KCNMB2: variants seen among roughly 807,000 people sequenced by gnomAD.
KCNMB2 encodes calcium-activated potassium channel subunit beta-2.
Under a neutral mutation model 24.5 loss-of-function variants are expected in KCNMB2, and 9 were observed. That is an observed-to-expected ratio of 0.37 (90% CI 0.22 to 0.64). The LOEUF (loss-of-function observed/expected upper bound fraction) is 0.64, where lower values mean the gene tolerates loss of function less well. Among genes scored for constraint, KCNMB2 ranks in the 30% least tolerant of loss-of-function variants. The probability of loss-of-function intolerance (pLI) is 0.63; values close to 1 mark genes in which losing one functional copy is unlikely to be tolerated. For synonymous variants in KCNMB2, 109 were observed against 104.4 expected, an observed-to-expected ratio of 1.04 and a Z score of -0.27; for missense variants, 226 against 284.3, an observed-to-expected ratio of 0.79 and a Z score of 1.47.
chr3:178,578,598 A>C (rs140960158), intron 1 of KCNMB2, among the ~76,000 whole-genome samples: 1 of 152,140 alleles, frequency 6.6e-6, no homozygotes, highest in East Asian at 1.9e-4. Flanking sequence ...TGGATAAAAA[A>C]TCAAGACCCA....
chr3:178,559,905 T>C (rs1716254191), intron 1 of KCNMB2, among the ~76,000 whole-genome samples: 1 of 148,272 alleles, frequency 6.7e-6, no homozygotes, highest in South Asian at 2.1e-4. Context: ...CATATTTAGT[T>C]TTCCCTGTTT....
In KCNMB2 at chr3:178,736,618, CAGA is replaced by C. The variant is rs375332986; in HGVS notation, c.-67-70722_-67-70720del. 3.5e-4 allele frequency among the ~76,000 whole-genome samples: 54 copies of C among 152,300 alleles called. 1 individual carries two copies. The South Asian group carries it at 0.011, about 31-fold the overall frequency. Reference sequence around the variant, plus strand: ...GACATTCAGAATGGGCACCAGCTTTCAGAAGGAGGGCTGATAAAGCAGCCTCTT... The same window carrying C: ...GACATTCAGAATGGGCACCAGCTTTCAGGAGGGCTGATAAAGCAGCCTCTT... On this transcript the variant is annotated intron_variant, in intron 1 of 4. Transcript: ENST00000452583.
At chr3:178,595,406 A>G (rs1276709938) in intron 1 of KCNMB2, among the ~76,000 whole-genome samples, 1 of 152,074 alleles carries the variant, frequency 6.6e-6, no homozygotes, top group African/African-American at 2.4e-5. Flanking sequence ...GAAAAGCCCG[A>G]GGTCCTGCTC....
At chr3:178,578,923 T>C (rs528024396) in intron 1 of KCNMB2, among the ~76,000 whole-genome samples, 1 of 152,174 alleles carries the variant, frequency 6.6e-6, no homozygotes, top group East Asian at 1.9e-4. Flanking sequence ...ACAATAATAA[T>C]GGGAGACTTT....
At chr3:178,785,758 C>A (rs113050354) in intron 1 of KCNMB2, among the ~76,000 whole-genome samples, 6 of 152,110 alleles carry the variant, frequency 3.9e-5, no homozygotes, top group African/African-American at 1.4e-4. Flanking sequence ...AAAGTATACA[C>A]CCATATAAAG....
chr3:178,621,663 T>C (rs1718926280), intron 1 of KCNMB2, among the ~76,000 whole-genome samples: 1 of 152,192 alleles, frequency 6.6e-6, no homozygotes, highest in African/African-American at 2.4e-5. Context: ...AAATAATATT[T>C]ACTATGCATT....
intron 4 of KCNMB2, among the ~76,000 whole-genome samples, chr3:178,834,916 G>A (rs1341233408): frequency 3.3e-5 from 5 of 151,922 alleles, no homozygotes; most frequent in East Asian, 1.9e-4. Flanking sequence ...AGAAAAGCGG[G>A]GGAAGGAACC....
chr3:178,755,022 C>T (rs1312218461), intron 1 of KCNMB2, among the ~76,000 whole-genome samples: 1 of 152,228 alleles, frequency 6.6e-6, no homozygotes, highest in African/African-American at 2.4e-5. Context: ...TGGACCATTT[C>T]CCCATTCTGG....
chr3:178,580,867 A>G lies in KCNMB2; in HGVS notation c.-68+44156A>G, dbSNP rs550819774. Among the ~76,000 whole-genome samples, 49 of 152,324 alleles carry G rather than the reference A, an allele frequency of 3.2e-4. No individual in the cohort carries two copies. In the South Asian group the frequency reaches 9.9e-3, roughly 31 times the overall value. On this transcript the variant is annotated intron_variant, in intron 1 of 4. Coordinates refer to ENST00000452583, the MANE Select transcript of KCNMB2 (RefSeq NM_181361.3). ...AAAGCACTGCTCAAGGAAATAAGAGAGGACACAAACAAATAGAAAAACATT... is the reference window on the plus strand; with the variant it reads ...AAAGCACTGCTCAAGGAAATAAGAGGGGACACAAACAAATAGAAAAACATT...
intron 4 of KCNMB2, among the ~76,000 whole-genome samples, chr3:178,839,808 T>C (rs1715362767): frequency 6.6e-6 from 1 of 152,118 alleles, no homozygotes. Flanking sequence ...CCCTGACACG[T>C]GGAAATTACG....
At chr3:178,733,776 G>A (rs911309677) in intron 1 of KCNMB2, among the ~76,000 whole-genome samples, 8 of 152,158 alleles carry the variant, frequency 5.3e-5, no homozygotes, top group African/African-American at 7.2e-5. Flanking sequence ...ACCGCACCCA[G>A]CCCTTAAATT....
chr3:178,758,083 CACAAGAGGATATATATATAT>C (rs1724240709), intron 1 of KCNMB2, among the ~76,000 whole-genome samples: 1 of 75,114 alleles, frequency 1.3e-5, no homozygotes, highest in Non-Finnish European at 2.5e-5. Context: ...TATATATATA[CACAAGAGGATATATATATAT>C]ACACACAAGA....
intron 2 of KCNMB2, among the ~76,000 whole-genome samples, chr3:178,812,762 G>T (rs1714245081): frequency 6.6e-6 from 1 of 151,918 alleles, no homozygotes; most frequent in African/African-American, 2.4e-5. Flanking sequence ...TATATACATG[G>T]ATATGTTTTT....
intron 1 of KCNMB2, among the ~76,000 whole-genome samples, chr3:178,734,984 T>G (rs1428581541): frequency 6.6e-6 from 1 of 152,212 alleles, no homozygotes; most frequent in Non-Finnish European, 1.5e-5. Flanking sequence ...ATCAATATCC[T>G]CATCATGATT....
At chr3:178,636,813 G>A (rs931199522) in intron 1 of KCNMB2, among the ~76,000 whole-genome samples, 88 of 139,330 alleles carry the variant, frequency 6.3e-4, no homozygotes, top group African/African-American at 1.2e-3. Flanking sequence ...AACATGTGCC[G>A]TGGTGGTTTG....
intron 1 of KCNMB2, among the ~76,000 whole-genome samples, chr3:178,550,189 G>A (rs540517748): frequency 6.6e-5 from 10 of 151,982 alleles, no homozygotes; most frequent in African/African-American, 2.2e-4. Context: ...AGTGGCTCAC[G>A]CCTGTAATCC....
At chr3:178,557,876 A>G (rs943035030) in intron 1 of KCNMB2, among the ~76,000 whole-genome samples, 3 of 152,156 alleles carry the variant, frequency 2.0e-5, no homozygotes, top group Admixed American at 2.0e-4. Flanking sequence ...ACCACCATCA[A>G]ACAGCAAGTT....
At chr3:178,680,098 C>T (rs1226014418) in intron 1 of KCNMB2, among the ~76,000 whole-genome samples, 1 of 152,080 alleles carries the variant, frequency 6.6e-6, no homozygotes, top group Non-Finnish European at 1.5e-5. Context: ...TGGAGCACCC[C>T]TCTGCGCATA....
intron 1 of KCNMB2, among the ~76,000 whole-genome samples, chr3:178,675,206 C>A (rs1721031402): frequency 6.6e-6 from 1 of 152,134 alleles, no homozygotes; most frequent in African/African-American, 2.4e-5. Flanking sequence ...ATTATACAAG[C>A]TATTCAGTAT....
Sources: gnomAD v4.1 joint callset for allele counts (sites outside exome capture counted in the v4.1 genomes callset) on GRCh38, gnomAD v4.1.1 for gene constraint, MANE v1.5 for transcripts, NCBI Gene and HGNC (gene_info 2026-07-23, HGNC 2026-07-21) for gene names.